SYNE2: variants seen among roughly 807,000 people sequenced by gnomAD.
SYNE2 encodes the protein nesprin-2.
SYNE2 carries 431 observed loss-of-function variants against 856.3 expected under a neutral mutation model. The observed-to-expected ratio is 0.50, with a 90% confidence interval of 0.47 to 0.55. SYNE2 has a LOEUF of 0.55. Among genes scored for constraint, SYNE2 ranks in the 20% least tolerant of loss-of-function variants. The pLI, the probability that SYNE2 is intolerant of heterozygous loss-of-function variation, is 0.00. For missense variants in SYNE2, 8,129 were observed against 8,023.2 expected, an observed-to-expected ratio of 1.01 and a Z score of -0.50; for synonymous variants, 2,923 against 2,872.3, an observed-to-expected ratio of 1.02 and a Z score of -0.56.
At chr14:63,974,916 A>ATATATATATATATATG (rs2096529237) in intron 11 of SYNE2, among the ~76,000 whole-genome samples, 1 of 85,492 alleles carries the variant, frequency 1.2e-5, no homozygotes, top group African/African-American at 4.5e-5. Flanking sequence ...ATATATATAT[A>ATATATATATATATATG]TGTATCTTGA....
intron 1 of SYNE2, among the ~76,000 whole-genome samples, chr14:63,876,781 T>C (rs1335322974): frequency 6.6e-6 from 1 of 152,180 alleles, no homozygotes; most frequent in Non-Finnish European, 1.5e-5. Flanking sequence ...CCACTGCGCC[T>C]GGCCCCCAAA....
At chr14:63,919,971 A>AGTTTTTTTTTT in intron 2 of SYNE2, among the ~76,000 whole-genome samples, 1 of 94,592 alleles carries the variant, frequency 1.1e-5, no homozygotes, top group Admixed American at 9.9e-5. Context: ...ATAAAAGGTA[A>AGTTTTTTTTTT]GTTTTTTTTT....
chr14:64,079,079 T>A (rs2097496709), intron 55 of SYNE2, among the ~76,000 whole-genome samples: 1 of 152,058 alleles, frequency 6.6e-6, no homozygotes, highest in Non-Finnish European at 1.5e-5. Flanking sequence ...CTCAAAAAAA[T>A]AATTCTGTTT....
chr14:63,924,494 A>G (rs1201611225), intron 2 of SYNE2, among the ~76,000 whole-genome samples: 2 of 152,222 alleles, frequency 1.3e-5, no homozygotes, highest in African/African-American at 4.8e-5. Context: ...GTCCATGAAT[A>G]TAGGCTATCT....
At chr14:63,885,682 G>GCCTC (rs1386966780) in intron 1 of SYNE2, among the ~76,000 whole-genome samples, 1 of 152,140 alleles carries the variant, frequency 6.6e-6, no homozygotes, top group Non-Finnish European at 1.5e-5. Context: ...GCTCACTGCA[G>GCCTC]CCTCAAACTC....
chr14:64,048,097 A>G lies in SYNE2; in HGVS notation c.7319A>G (p.Gln2440Arg). The G allele has an allele frequency of 1.2e-6, 2 of 1,613,760 alleles. No individual in the cohort carries two copies. Among genetic ancestry groups the G allele is most frequent in the Admixed American group, 3.3e-5 (2 of 60,016 alleles). The change falls in exon 46 of 116, where the codon CAA becomes CGA. Residue 2440 changes from glutamine (Q) to arginine (R), a missense_variant. Around this residue, in one of 3 missense-constraint regions of SYNE2, gnomAD observed 5,410 missense variants for 5,284.8 expected, o/e 1.02. Transcript: ENST00000555002. ...GATGAGCGGAAAGTCAATGAGCTGC[A>G]AAATCAACCTTTAGAATTAGATACT... ...TEDERKVNEL[Q>R]NQPLELDTML...
chr14:64,038,966 G>A (rs1322663108), intron 45 of SYNE2, among the ~76,000 whole-genome samples: 1 of 152,176 alleles, frequency 6.6e-6, no homozygotes, highest in Non-Finnish European at 1.5e-5. Context: ...CAACATAGGA[G>A]GCAGATGGCA....
intron 1 of SYNE2, among the ~76,000 whole-genome samples, chr14:63,894,203 G>T (rs2095203365): frequency 6.6e-6 from 1 of 150,788 alleles, no homozygotes; most frequent in African/African-American, 2.4e-5. Flanking sequence ...GGCATTTTAT[G>T]GATTTTTTTT....
At chr14:64,123,438 C>G (rs772430021) in intron 70 of SYNE2, among the ~76,000 whole-genome samples, 1 of 152,244 alleles carries the variant, frequency 6.6e-6, no homozygotes, top group Admixed American at 6.5e-5. Flanking sequence ...GACTTCTCAG[C>G]TGTCCTCTTT....
chr14:64,190,667 A>G, intron 99 of SYNE2: 1 of 698,438 alleles, frequency 1.4e-6, no homozygotes, highest in Non-Finnish European at 2.6e-6. Context: ...CTGCCCCACT[A>G]CTTGCACTCA....
At position 64,219,355 on chromosome 14, in the gene SYNE2, TGGCAAAGC is replaced by T. The variant is rs2098683425; in HGVS notation, c.19806_19813del (p.Met6602IlefsTer4). 2 of 1,614,098 alleles carry T rather than the reference TGGCAAAGC, an allele frequency of 1.2e-6. No individual in the cohort carries two copies. Among genetic ancestry groups the T allele is most frequent in the Non-Finnish European group, 1.7e-6 (2 of 1,180,038 alleles). On this transcript the variant is annotated frameshift_variant, in exon 110 of 116. Coordinates refer to ENST00000555002, the MANE Select transcript of SYNE2 (RefSeq NM_182914.3). LOFTEE classifies it high-confidence loss of function. ...GAAGCAGAGCTGGAAATGTTAAAGA[TGGCAAAGC>T]CTCCCTCTGATATCCAGGAAATAGA...
chr14:63,997,028 T>C lies in SYNE2; in HGVS notation c.3022T>C (p.Ser1008Pro). The C allele has an allele frequency of 6.2e-7, 1 of 1,614,036 alleles. No individual in the cohort carries two copies. Among genetic ancestry groups the C allele is most frequent in the Non-Finnish European group, 8.5e-7 (1 of 1,179,988 alleles). ...VLRELCEELP[S>P]QKSQQEVKRL... ...GAGGGAGCTGTGTGAAGAGCTGCCT[T>C]CACAGAAGAGTCAACAAGAAGTGAA... Residue 1008 changes from serine to proline, a missense_variant, in exon 24 of 116, where the codon TCA becomes CCA. Physicochemically the swap from Ser to Pro is moderately conservative, Grantham distance 74. This residue lies in a region of SYNE2 where 2,422 missense variants were observed against 2,357.4 expected (regional missense o/e 1.03). Transcript: ENST00000555002.
chr14:64,094,117 G>C (rs560921416), intron 61 of SYNE2, among the ~76,000 whole-genome samples: 2 of 152,220 alleles, frequency 1.3e-5, no homozygotes, highest in South Asian at 2.1e-4. Context: ...CAGATCACAA[G>C]GTCAGGAGAT....
rs531872257 is a variant in SYNE2 at position 63,971,299 on chromosome 14, A to G, written c.1128+3453A>G. On this transcript the variant is annotated intron_variant, in intron 11 of 115. Transcript: ENST00000555002. ...CTTAATTTCTTTTGTATTTTTTTGC[A>G]GAGAAGGGGTTTCACTATGTTGCCC... Among the ~76,000 whole-genome samples, 10 of 151,852 alleles carry G rather than the reference A, an allele frequency of 6.6e-5. No homozygotes were observed. In the South Asian group the frequency reaches 2.1e-3, roughly 32 times the overall value.
chr14:63,995,140 A>G lies in SYNE2; in HGVS notation c.2878A>G (p.Ile960Val). The G allele has an allele frequency of 6.2e-7, 1 of 1,605,274 alleles. No individual in the cohort carries two copies. Reference sequence around the variant, plus strand: ...CAATATTTTAAAACTTGAAAAGCAAATAAATAAAGAAAAGAAACTTATCCG... The same window carrying G: ...CAATATTTTAAAACTTGAAAAGCAAGTAAATAAAGAAAAGAAACTTATCCG... ...SDNILKLEKQ[I>V]NKEKKLIRRG... The change falls in exon 23 of 116, where the codon ATA becomes GTA. Residue 960 changes from isoleucine (I) to valine (V), a missense_variant. Ile to Val is a conservative substitution (Grantham distance 29, BLOSUM62 3). This residue lies in a region of SYNE2 where 2,422 missense variants were observed against 2,357.4 expected (regional missense o/e 1.03). Transcript: ENST00000555002.
chr14:64,027,293 CAAAT>C (rs2096988300), intron 42 of SYNE2, among the ~76,000 whole-genome samples, 187 bp from the exon 43 acceptor site: 2 of 152,090 alleles, frequency 1.3e-5, no homozygotes, highest in South Asian at 4.2e-4. Flanking sequence ...TAGTAATACT[CAAAT>C]AATTTCTGTC....
In SYNE2 at chr14:64,215,346, C is replaced by T. The variant is rs762635611; in HGVS notation, c.19394C>T (p.Ala6465Val). Residue 6465 changes from alanine to valine, a missense_variant, in exon 107 of 116, where the codon GCG becomes GTG. By Grantham distance (64) the Ala-to-Val change is moderately conservative (BLOSUM62 0). This residue lies in a region of SYNE2 where 5,410 missense variants were observed against 5,284.8 expected (regional missense o/e 1.02). Coordinates refer to ENST00000555002, the MANE Select transcript of SYNE2 (RefSeq NM_182914.3). ...AAAATGACCACAAAAACTTTGAAAG[C>T]GTCTTCTGGTAGGCCCCCGCCCATG... ...YLKMTTKTLK[A>V]SSGKSISDGH... The T allele has an allele frequency of 8.1e-6, 13 of 1,613,936 alleles. No homozygotes were observed. Among genetic ancestry groups the T allele is most frequent in the Admixed American group, 6.7e-5 (4 of 60,010 alleles).
At chr14:64,090,058 T>C (rs2097596458) in intron 59 of SYNE2, among the ~76,000 whole-genome samples, 1 of 152,190 alleles carries the variant, frequency 6.6e-6, no homozygotes, top group African/African-American at 2.4e-5. Context: ...GGAGATTACA[T>C]TGGCCAATTG....
At chr14:64,143,729 C>A in intron 82 of SYNE2, 43 bp from the exon 83 acceptor site, 1 of 1,607,462 alleles carries the variant, frequency 6.2e-7, no homozygotes, top group South Asian at 1.1e-5. Context: ...TTGATCTGAC[C>A]AACATTCATG....
Sources: gnomAD v4.1 joint callset for allele counts (sites outside exome capture counted in the v4.1 genomes callset) on GRCh38, gnomAD v4.1.1 for gene constraint, gnomAD v4.1.1 regional missense constraint, MANE v1.5 for transcripts, NCBI Gene and HGNC (gene_info 2026-07-23, HGNC 2026-07-21) for gene names.